The following DENND2B variants were observed in gnomAD, a reference collection of about 807,000 sequenced individuals.
The protein encoded by DENND2B is DENN domain containing 2B, also known as DENN domain-containing protein 2B.
Under a neutral mutation model 116.0 loss-of-function variants are expected in DENND2B, and 32 were observed. The ratio of observed to expected loss-of-function variants is 0.28; its 90% CI spans 0.21 to 0.37. The LOEUF is 0.37. DENND2B is among the 10% of genes least tolerant of loss of function. The probability of loss-of-function intolerance (pLI) is 1.00; values close to 1 mark genes in which losing one functional copy is unlikely to be tolerated. For synonymous variants in DENND2B, 588 were observed against 583.9 expected (o/e 1.01, Z -0.10); for missense variants, 1,276 against 1,477.7 (o/e 0.86, Z 2.24).
intron 1 of DENND2B, chr11:8,785,439 CAGACCAAGGAG>C (rs1485240755): frequency 6.6e-6 from 1 of 152,230 alleles, no homozygotes; most frequent in Admixed American, 6.5e-5. Flanking sequence ...AAGGAGGATA[CAGACCAAGGAG>C]CACTTCATGA....
intron 1 of DENND2B, among the ~76,000 whole-genome samples, chr11:8,789,000 C>G (rs2059150097): frequency 6.6e-6 from 1 of 152,214 alleles, no homozygotes; most frequent in East Asian, 1.9e-4. Context: ...ACTGTACCTA[C>G]CTAAAAAGCT....
intron 3 of DENND2B, among the ~76,000 whole-genome samples, chr11:8,844,785 A>G (rs1389815564): frequency 7.0e-6 from 1 of 142,118 alleles, no homozygotes; most frequent in Non-Finnish European, 1.6e-5. Context: ...CCCAAGCTGG[A>G]GTGCAGTGGC....
At chr11:8,869,293 A>G (rs2063692683) in intron 2 of DENND2B, among the ~76,000 whole-genome samples, 1 of 152,230 alleles carries the variant, frequency 6.6e-6, no homozygotes, top group South Asian at 2.1e-4. Flanking sequence ...TGGCCCAATT[A>G]GGGGATAACA....
chr11:8,702,543 T>C lies in DENND2B; in HGVS notation c.2720+29A>G. 1 of 1,607,774 alleles carries C rather than the reference T, an allele frequency of 6.2e-7. No homozygotes were observed. Among genetic ancestry groups the C allele is most frequent in the African/African-American group, 1.3e-5 (1 of 75,040 alleles). Reference sequence around the variant, plus strand: ...TTGTGGGTGTGCCTTCCCCCCTCCCTTCTGCTTTCTTGCCCGGCTGGGCCC... The same window carrying C: ...TTGTGGGTGTGCCTTCCCCCCTCCCCTCTGCTTTCTTGCCCGGCTGGGCCC... On this transcript the variant is annotated intron_variant, in intron 14 of 19. Coordinates refer to ENST00000313726, the MANE Select transcript of DENND2B (RefSeq NM_213618.2). This position sits in a 1 kb window ranked among gnomAD's most constrained non-coding sequence, Gnocchi z 4.6.
chr11:8,885,203 A>G (rs2063946993), intron 1 of DENND2B, among the ~76,000 whole-genome samples: 1 of 152,248 alleles, frequency 6.6e-6, no homozygotes, highest in South Asian at 2.1e-4. Context: ...TCCTGACCCC[A>G]GGCCTAGGCC....
chr11:8,877,964 A>G (rs2063862423), intron 2 of DENND2B, among the ~76,000 whole-genome samples: 1 of 152,232 alleles, frequency 6.6e-6, no homozygotes, highest in Admixed American at 6.5e-5. Flanking sequence ...CAAGAGATAA[A>G]GAGGAGGAAA....
At position 8,726,037 on chromosome 11, in the gene DENND2B, T is replaced by A. The variant is rs768026269; in HGVS notation, c.1477+36A>T. On this transcript the variant is annotated intron_variant, in intron 4 of 19. Transcript: ENST00000313726. ...CTGTTCCTGTTCTTCTGCAGCCCCCTGAGATGACCCAGGTGCCACCTCTGC... is the reference window on the plus strand; with the variant it reads ...CTGTTCCTGTTCTTCTGCAGCCCCCAGAGATGACCCAGGTGCCACCTCTGC... 1.9e-6 allele frequency: 3 copies of A among 1,612,894 alleles called. No individual in the cohort carries two copies. In the Admixed American group the frequency reaches 5.0e-5, roughly 27 times the overall value.
chr11:8,758,827 G>GGT (rs960215402), intron 1 of DENND2B, among the ~76,000 whole-genome samples: 1 of 152,156 alleles, frequency 6.6e-6, no homozygotes, highest in Admixed American at 6.5e-5. Flanking sequence ...CCAACCAGCA[G>GGT]GTAAGTGTCG....
intron 2 of DENND2B, among the ~76,000 whole-genome samples, chr11:8,731,686 G>A (rs771552613): frequency 7.9e-5 from 12 of 152,140 alleles, no homozygotes; most frequent in Non-Finnish European, 1.8e-4. Context: ...TCTGTGTATG[G>A]TAAAAAGAGG....
At chr11:8,770,865 A>G (rs1273761832) in intron 1 of DENND2B, among the ~76,000 whole-genome samples, 1 of 151,762 alleles carries the variant, frequency 6.6e-6, no homozygotes, top group Non-Finnish European at 1.5e-5. Context: ...CTATCTTGCC[A>G]CTCCACGAAC....
intron 1 of DENND2B, among the ~76,000 whole-genome samples, chr11:8,893,406 G>A (rs1050978252): frequency 6.6e-6 from 1 of 152,170 alleles, no homozygotes; most frequent in Non-Finnish European, 1.5e-5. Flanking sequence ...AGGGCAATCA[G>A]GCAGGAGAAA....
At chr11:8,826,868 C>A (rs773518070) in intron 4 of DENND2B, among the ~76,000 whole-genome samples, 1 of 152,122 alleles carries the variant, frequency 6.6e-6, no homozygotes, top group Non-Finnish European at 1.5e-5. Flanking sequence ...ACTTAGAGAT[C>A]AACATTGAAC....
At chr11:8,859,322 T>G (rs549724515) in intron 2 of DENND2B, among the ~76,000 whole-genome samples, 52 of 150,716 alleles carry the variant, frequency 3.5e-4, no homozygotes, top group East Asian at 1.9e-3. Flanking sequence ...TTGTTTGTTT[T>G]TTTGAGACAG....
At chr11:8,696,811 T>C in intron 17 of DENND2B, 145 bp from the exon 18 acceptor site, 1 of 1,320,594 alleles carries the variant, frequency 7.6e-7, no homozygotes. Context: ...GAGACCGAGT[T>C]TCACTCTTGT....
intron 1 of DENND2B, among the ~76,000 whole-genome samples, chr11:8,799,428 A>C (rs1285011055): frequency 6.6e-6 from 1 of 152,188 alleles, no homozygotes; most frequent in African/African-American, 2.4e-5. Flanking sequence ...TAGATTCAAA[A>C]GCCTCAATTC....
At chr11:8,726,035 C>T (rs1377326678) in intron 4 of DENND2B, 38 bp downstream of exon 4, 3 of 1,612,902 alleles carry the variant, frequency 1.9e-6, no homozygotes, top group Non-Finnish European at 2.5e-6. Flanking sequence ...TCTGCAGCCC[C>T]CTGAGATGAC....
intron 1 of DENND2B, among the ~76,000 whole-genome samples, chr11:8,792,725 A>G (rs962184110): frequency 6.6e-6 from 1 of 152,224 alleles, no homozygotes; most frequent in African/African-American, 2.4e-5. Context: ...ACAATAAGAA[A>G]TCCTTTTTCA....
At chr11:8,901,232 T>TTC (rs1383580426) in intron 1 of DENND2B, among the ~76,000 whole-genome samples, 3 of 82,752 alleles carry the variant, frequency 3.6e-5, no homozygotes, top group Non-Finnish European at 8.8e-5. Flanking sequence ...TTCTTTTCTT[T>TTC]TTTTTTTTTT....
At chr11:8,710,697 G>C (rs572663174) in intron 11 of DENND2B, 148 bp downstream of exon 11, 17 of 789,330 alleles carry the variant, frequency 2.2e-5, no homozygotes, top group Non-Finnish European at 3.5e-5. Context: ...CAGGGGGTTC[G>C]GGGTGGCCTC....
Sources: allele counts gnomAD v4.1 joint callset (sites outside exome capture counted in the v4.1 genomes callset), GRCh38; gene constraint gnomAD v4.1.1; non-coding constraint Gnocchi (gnomAD v3.1); transcripts MANE v1.5; gene names NCBI Gene and HGNC (gene_info 2026-07-23, HGNC 2026-07-21).